Variants in CPNE8 observed in about 807,000 individuals in gnomAD.
CPNE8 encodes copine 8.
A neutral mutation model predicts 81.5 loss-of-function variants in CPNE8; 45 were observed. The ratio of observed to expected loss-of-function variants is 0.55; its 90% CI spans 0.44 to 0.71. The LOEUF is 0.71. CPNE8 is among the 30% of genes least tolerant of loss of function. The pLI is 0.00. For missense variants in CPNE8, 594 were observed against 672.1 expected (o/e 0.88, Z 1.28); for synonymous variants, 252 against 226.3 (o/e 1.11, Z -1.02).
chr12:38,655,069 T>C (rs151184279), intron 19 of CPNE8, among the ~76,000 whole-genome samples: 1,980 of 152,300 alleles, frequency 0.013, 30 homozygotes, highest in South Asian at 0.044. Flanking sequence ...GATTTGGGTA[T>C]ATTTCTTATG....
chr12:38,739,400 A>C (rs1425115486), intron 10 of CPNE8, among the ~76,000 whole-genome samples: 1 of 152,196 alleles, frequency 6.6e-6, no homozygotes, highest in Admixed American at 6.5e-5. Context: ...TAAATCTAAT[A>C]ATTTAAAAAG....
At chr12:38,797,299 C>A (rs545011654) in intron 6 of CPNE8, among the ~76,000 whole-genome samples, 2 of 152,150 alleles carry the variant, frequency 1.3e-5, no homozygotes, top group Admixed American at 6.5e-5. Context: ...AGGCACCCCC[C>A]AGTAGGGGCA....
At chr12:38,747,230 T>C (rs1248880530) in intron 10 of CPNE8, among the ~76,000 whole-genome samples, 1 of 152,234 alleles carries the variant, frequency 6.6e-6, no homozygotes, top group Non-Finnish European at 1.5e-5. Context: ...ATAGAATCCT[T>C]TGTAATGTCA....
intron 1 of CPNE8, among the ~76,000 whole-genome samples, chr12:38,885,548 G>A (rs1944225473): frequency 6.6e-6 from 1 of 152,164 alleles, no homozygotes; most frequent in African/African-American, 2.4e-5. Context: ...CCCAGATTCA[G>A]GCATGTAGCT....
chr12:38,798,201 C>T (rs529307276), intron 6 of CPNE8, among the ~76,000 whole-genome samples: 52 of 152,148 alleles, frequency 3.4e-4, no homozygotes, highest in African/African-American at 1.3e-3. Context: ...ACAGAGAACG[C>T]CACAAAGATA....
At chr12:38,729,824 G>C (rs1940790338) in intron 11 of CPNE8, among the ~76,000 whole-genome samples, 1 of 151,946 alleles carries the variant, frequency 6.6e-6, no homozygotes, top group Non-Finnish European at 1.5e-5. Context: ...TTAACAACGT[G>C]GATTTCTTTA....
chr12:38,807,385 G>C (rs9705658), intron 6 of CPNE8, among the ~76,000 whole-genome samples: 1 of 150,282 alleles, frequency 6.7e-6, no homozygotes, highest in African/African-American at 2.4e-5. Context: ...AACAGCATGG[G>C]ACTAGTACCA....
At chr12:38,811,287 TA>T (rs34005011) in intron 6 of CPNE8, among the ~76,000 whole-genome samples, 5,271 of 152,072 alleles carry the variant, frequency 0.035, 324 homozygotes, top group African/African-American at 0.12. Flanking sequence ...TTATAATTCA[TA>T]AAATAGATTA....
chr12:38,746,839 T>C (rs193189740), intron 10 of CPNE8, among the ~76,000 whole-genome samples: 2 of 152,272 alleles, frequency 1.3e-5, no homozygotes, highest in East Asian at 1.9e-4. Context: ...ATCCTATATA[T>C]AAAAAAGAGA....
At chr12:38,871,788 C>A (rs765139352) in intron 3 of CPNE8, among the ~76,000 whole-genome samples, 7 of 152,052 alleles carry the variant, frequency 4.6e-5, no homozygotes, top group Non-Finnish European at 1.0e-4. Flanking sequence ...GCAGACATAG[C>A]ATAAAGATGA....
rs889240471 is a variant in CPNE8 at position 38,685,554 on chromosome 12, T to C, written c.1207A>G (p.Ser403Gly). 1 of 1,613,380 alleles carries C rather than the reference T, an allele frequency of 6.2e-7. No individual in the cohort carries two copies. Among genetic ancestry groups the C allele is most frequent in the African/African-American group, 1.3e-5 (1 of 74,876 alleles). The part of the protein sequence containing the change: ...IEGVMEAYYR[S>G]LKSVQLYGPT... ...CCATATAGTTGTACAGATTTCAGAC[T>C]CCTGTAATAAGCCTCCATGACCCCC... The change falls in exon 16 of 20, where the codon AGT becomes GGT. Residue 403 changes from serine (S) to glycine (G), a missense_variant. Coordinates refer to ENST00000331366, the MANE Select transcript of CPNE8 (RefSeq NM_153634.3).
chr12:38,667,527 C>T (rs1247891475), intron 19 of CPNE8, among the ~76,000 whole-genome samples: 1 of 152,162 alleles, frequency 6.6e-6, no homozygotes, highest in African/African-American at 2.4e-5. Context: ...CATGTAGAAA[C>T]TTCTCTATGA....
chr12:38,720,049 G>A (rs1320635273), intron 13 of CPNE8, among the ~76,000 whole-genome samples: 2 of 152,128 alleles, frequency 1.3e-5, no homozygotes, highest in African/African-American at 4.8e-5. Context: ...GCAGTGGTGC[G>A]ATCTTGGCTC....
intron 7 of CPNE8, among the ~76,000 whole-genome samples, chr12:38,774,154 G>A (rs1312503958): frequency 6.6e-6 from 1 of 152,062 alleles, no homozygotes; most frequent in Non-Finnish European, 1.5e-5. Flanking sequence ...AGAACTGAAA[G>A]TGGAAGATAT....
At chr12:38,699,721 T>A (rs948283921) in intron 14 of CPNE8, among the ~76,000 whole-genome samples, 1 of 152,196 alleles carries the variant, frequency 6.6e-6, no homozygotes, top group Non-Finnish European at 1.5e-5. Context: ...CAAATTACTA[T>A]GAACTATAGC....
At chr12:38,783,423 C>A (rs2136909617) in intron 6 of CPNE8, among the ~76,000 whole-genome samples, 1 of 152,258 alleles carries the variant, frequency 6.6e-6, no homozygotes, top group African/African-American at 2.4e-5. Context: ...CCCTAATCCC[C>A]TTGCAGCTAC....
At chr12:38,806,925 A>G (rs1281304956) in intron 6 of CPNE8, among the ~76,000 whole-genome samples, 1 of 150,428 alleles carries the variant, frequency 6.6e-6, no homozygotes, top group South Asian at 2.1e-4. Flanking sequence ...AAATCAATGT[A>G]CAAAAATCAC....
At chr12:38,685,216 CTTTTCCTAAGAAAATG>C (rs1159228981) in intron 16 of CPNE8, among the ~76,000 whole-genome samples, 1 of 152,164 alleles carries the variant, frequency 6.6e-6, no homozygotes, top group Non-Finnish European at 1.5e-5. Context: ...TCATGGATGC[CTTTTCCTAAGAAAATG>C]TTTTCCTTAG....
intron 7 of CPNE8, among the ~76,000 whole-genome samples, chr12:38,772,428 T>C (rs1450695575): frequency 6.6e-6 from 1 of 151,852 alleles, no homozygotes; most frequent in East Asian, 1.9e-4. Flanking sequence ...AAATAAAAAA[T>C]AGAAAATCAA....
Sources: allele counts gnomAD v4.1 joint callset (sites outside exome capture counted in the v4.1 genomes callset), GRCh38; gene constraint gnomAD v4.1.1; transcripts MANE v1.5; gene names NCBI Gene and HGNC (gene_info 2026-07-23, HGNC 2026-07-21).